Variants in INSC observed in about 807,000 individuals in gnomAD.
INSC encodes INSC spindle orientation adaptor protein.
Under a neutral mutation model 58.6 loss-of-function variants are expected in INSC, and 67 were observed. The ratio of observed to expected loss-of-function variants is 1.14; its 90% confidence interval spans 0.94 to 1.40. The LOEUF is 1.40. Among genes scored for constraint, INSC ranks in the 40% most tolerant of loss-of-function variants. The probability of loss-of-function intolerance (pLI) is 0.00; values close to 1 mark genes in which losing one functional copy is unlikely to be tolerated. For synonymous variants in INSC, 262 were observed against 276.1 expected, an observed-to-expected ratio of 0.95 and a Z score of 0.51; for missense variants, 714 against 692.0, an observed-to-expected ratio of 1.03 and a Z score of -0.36.
chr11:15,241,762 T>C (rs1307646765), intron 12 of INSC: 1 of 588,300 alleles, frequency 1.7e-6, no homozygotes, highest in African/African-American at 1.9e-5. Flanking sequence ...AAGTGAATTA[T>C]ATTAAAAATT....
intron 5 of INSC, among the ~76,000 whole-genome samples, chr11:15,181,634 A>T (rs1772299717): frequency 6.6e-6 from 1 of 152,170 alleles, no homozygotes; most frequent in African/African-American, 2.4e-5. Context: ...TAACCCAAGA[A>T]TCTGGGACTT....
At chr11:15,201,684 G>A (rs1374078738) in intron 7 of INSC, among the ~76,000 whole-genome samples, 2 of 152,222 alleles carry the variant, frequency 1.3e-5, no homozygotes, top group African/African-American at 4.8e-5. Context: ...GGGAGGCAGG[G>A]GCTGAAATCT....
chr11:15,219,083 T>C (rs551495021), intron 7 of INSC, among the ~76,000 whole-genome samples: 1 of 152,230 alleles, frequency 6.6e-6, no homozygotes, highest in Admixed American at 6.5e-5. Flanking sequence ...TTAGTGCTTC[T>C]CTGAATTGCT....
chr11:15,133,412 T>C (rs1322870706), intron 1 of INSC, among the ~76,000 whole-genome samples: 1 of 152,234 alleles, frequency 6.6e-6, no homozygotes, highest in Non-Finnish European at 1.5e-5. Flanking sequence ...GACTCTCTTT[T>C]ATTTCTTTAA....
In INSC at chr11:15,116,023, G is replaced by A. The variant is rs11023442; in HGVS notation, c.-46+1020G>A. On this transcript the variant is annotated intron_variant, in intron 1 of 12. Coordinates refer to ENST00000379556, the MANE Select transcript of INSC (RefSeq NM_001042536.3). ...TTAAGTCAGGGACTTTGGCTGTGGG[G>A]GTCAGGGCAGATGGTGATGTGGTGC... Among the ~76,000 whole-genome samples, 443 of 152,266 alleles carry A rather than the reference G, an allele frequency of 2.9e-3. 4 individuals carry two copies. Among genetic ancestry groups the A allele is most frequent in the African/African-American group, 9.7e-3 (404 of 41,548 alleles).
At position 15,149,283 on chromosome 11, in the gene INSC, C is replaced by A. The variant is rs1848576736; in HGVS notation, c.56+53C>A. The A allele has an allele frequency of 4.2e-6, 6 of 1,414,402 alleles. No homozygotes were observed. The East Asian group carries it at 1.6e-4, about 38-fold the overall frequency. The allele number at this position is 1,414,402 out of a possible 1,614,324, so 87.6% of individuals were successfully genotyped here. A position where few individuals can be genotyped will look rare whatever the true frequency, so the allele number is the denominator to read the frequency against. On this transcript the variant is annotated intron_variant, in intron 2 of 12. Coordinates refer to ENST00000379556, the MANE Select transcript of INSC (RefSeq NM_001042536.3). ...CAGGCCTGCCCCATCTGAACCGTGACTGAGGCCCAGTTCCAGCATCCTGAG... is the reference window on the plus strand; with the variant it reads ...CAGGCCTGCCCCATCTGAACCGTGAATGAGGCCCAGTTCCAGCATCCTGAG...
chr11:15,266,670 A>G, the INSC span, among the ~76,000 whole-genome samples: 1 of 152,028 alleles, frequency 6.6e-6, no homozygotes, highest in South Asian at 2.1e-4. Flanking sequence ...TTGGTGAGCA[A>G]TGAAATGCTC....
At chr11:15,189,138 G>GGA (rs1262864920) in intron 5 of INSC, among the ~76,000 whole-genome samples, 3 of 152,112 alleles carry the variant, frequency 2.0e-5, no homozygotes, top group Non-Finnish European at 4.4e-5. Context: ...AAGACAAAAG[G>GGA]GAGAGCCACT....
chr11:15,115,063 T>C, intron 1 of INSC, 60 bp downstream of exon 1: 3 of 958,826 alleles, frequency 3.1e-6, no homozygotes, highest in South Asian at 4.8e-5. Flanking sequence ...GCTAGCCTAG[T>C]TGGGAACAGT....
At chr11:15,245,791 A>C (rs1320403793) in intron 12 of INSC, 121 bp from the exon 13 acceptor site, 1 of 1,348,048 alleles carries the variant, frequency 7.4e-7, no homozygotes, top group Non-Finnish European at 1.0e-6. Context: ...ATGATGATCA[A>C]CCCAAATTGT....
chr11:15,148,790 TA>T (rs35285632), intron 1 of INSC, among the ~76,000 whole-genome samples: 15,839 of 152,246 alleles, frequency 0.1, 974 homozygotes, highest in African/African-American at 0.16. Flanking sequence ...AGATAAACCA[TA>T]GATACTTTTT....
At chr11:15,241,402 G>A (rs1564924934) in intron 12 of INSC, among the ~76,000 whole-genome samples, 1 of 152,224 alleles carries the variant, frequency 6.6e-6, no homozygotes, top group Non-Finnish European at 1.5e-5. Context: ...GGGAGTTTCT[G>A]ATGGGCGTTG....
At chr11:15,230,001 A>AT (rs1564917655) in intron 9 of INSC, among the ~76,000 whole-genome samples, 5 of 25,314 alleles carry the variant, frequency 2.0e-4, no homozygotes, top group African/African-American at 8.2e-4. Context: ...ATATATATAT[A>AT]TATATATATA....
chr11:15,134,041 C>T (rs1439432245), intron 1 of INSC, among the ~76,000 whole-genome samples: 1 of 152,126 alleles, frequency 6.6e-6, no homozygotes, highest in African/African-American at 2.4e-5. Context: ...CATCCTCATC[C>T]AGCATGTTAG....
intron 9 of INSC, among the ~76,000 whole-genome samples, chr11:15,234,198 A>G (rs1185123709): frequency 6.6e-6 from 1 of 152,182 alleles, no homozygotes; most frequent in Non-Finnish European, 1.5e-5. Flanking sequence ...CTGGCAACCC[A>G]CTGTAGTCAT....
rs1338877488 is a variant in INSC at position 15,246,380 on chromosome 11, G to A, written c.*340G>A. 6.3e-6 allele frequency: 1 copy of A among 159,352 alleles called. No homozygotes were observed. The highest frequency in any genetic ancestry group is 2.4e-5 in the African/African-American group (1 of 41,436). The allele number at this position is 159,352 out of a possible 1,614,324, so 9.9% of individuals were successfully genotyped here. A position where few individuals can be genotyped will look rare whatever the true frequency, so the allele number is the denominator to read the frequency against. ...ATCTTGCCTCATTTTTTAAAACTTTGGAACCAGAGGATTTCAACTGCCTAG... is the reference window on the plus strand; with the variant it reads ...ATCTTGCCTCATTTTTTAAAACTTTAGAACCAGAGGATTTCAACTGCCTAG... On this transcript the variant is annotated 3_prime_UTR_variant, in exon 13 of 13. Transcript: ENST00000379556.
At chr11:15,211,657 T>G (rs1851030008) in intron 7 of INSC, among the ~76,000 whole-genome samples, 1 of 152,202 alleles carries the variant, frequency 6.6e-6, no homozygotes, top group African/African-American at 2.4e-5. Context: ...GGAGCTTTAT[T>G]GTTTTGCCTT....
chr11:15,230,011 AT>A (rs1851853915), intron 9 of INSC, among the ~76,000 whole-genome samples: 3 of 25,550 alleles, frequency 1.2e-4, no homozygotes, highest in Admixed American at 6.9e-4. Flanking sequence ...ATATATATAT[AT>A]AATATATATA....
chr11:15,222,235 C>T (rs566759613), intron 8 of INSC, among the ~76,000 whole-genome samples: 1 of 152,282 alleles, frequency 6.6e-6, no homozygotes, highest in African/African-American at 2.4e-5. Flanking sequence ...TCTTAGTTTT[C>T]CTTTGCTAAA....
Sources: gnomAD v4.1 joint callset for allele counts (sites outside exome capture counted in the v4.1 genomes callset) on GRCh38, gnomAD v4.1.1 for gene constraint, MANE v1.5 for transcripts, NCBI Gene and HGNC (gene_info 2026-07-23, HGNC 2026-07-21) for gene names.